The following SHROOM4 variants were observed in gnomAD, a reference collection of about 807,000 sequenced individuals.
The protein encoded by SHROOM4 is protein Shroom4.
A neutral mutation model predicts 80.3 loss-of-function variants in SHROOM4; 17 were observed. That is an observed-to-expected ratio of 0.21 (90% CI 0.14 to 0.32). The LOEUF is 0.32. Among genes scored for constraint, SHROOM4 ranks in the 10% least tolerant of loss-of-function variants. The pLI is 1.00. For synonymous variants in SHROOM4, 400 were observed against 437.5 expected, an observed-to-expected ratio of 0.91 and a Z score of 1.07; for missense variants, 993 against 1,140.3, an observed-to-expected ratio of 0.87 and a Z score of 1.86.
At chrX:50,778,845 T>C (rs1457422411) in intron 1 of SHROOM4, among the ~76,000 whole-genome samples, 1 of 111,636 alleles carries the variant, frequency 9.0e-6, no homozygotes, top group African/African-American at 3.3e-5. Context: ...AGATCAAGAA[T>C]CACTTTCCGA....
Position 50,608,003 on chromosome X carries a change from C to T in SHROOM4, c.3139G>A (p.Ala1047Thr). Reference protein sequence around the residue: ...TSVYEEGSSLASMPHPLRSRA... With the variant: ...TSVYEEGSSLTSMPHPLRSRA... ...CTGCGCAGTGGGTGGGGCATGGAGG[C>T]AAGGGAGCTCCCCTCCTCATAAACT... is the stretch of plus-strand genomic sequence containing the variant. The change falls in exon 6 of 9, where the codon GCC becomes ACC. Residue 1047 changes from alanine to threonine, a missense_variant. Physicochemically the swap from Ala to Thr is moderately conservative, Grantham distance 58. Coordinates refer to ENST00000376020, the MANE Select transcript of SHROOM4 (RefSeq NM_020717.5). The T allele has an allele frequency of 8.3e-7, 1 of 1,211,862 alleles. No individual in the cohort carries two copies. The highest frequency in any genetic ancestry group is 1.1e-6 in the Non-Finnish European group (1 of 895,527).
At chrX:50,667,427 T>C (rs1466888254) in intron 2 of SHROOM4, among the ~76,000 whole-genome samples, 2 of 111,329 alleles carry the variant, frequency 1.8e-5, no homozygotes, top group Non-Finnish European at 3.8e-5. Flanking sequence ...GTAATACTTA[T>C]AAATCTTAGG....
At chrX:50,641,871 C>T (rs1931615171) in intron 2 of SHROOM4, among the ~76,000 whole-genome samples, 1 of 112,592 alleles carries the variant, frequency 8.9e-6, no homozygotes, top group African/African-American at 3.2e-5. Flanking sequence ...TTCGGCCTCC[C>T]AAAGTGCTGG....
chrX:50,641,529 C>T (rs2147316033), intron 2 of SHROOM4, among the ~76,000 whole-genome samples: 1 of 111,711 alleles, frequency 9.0e-6, no homozygotes, highest in East Asian at 2.8e-4. Flanking sequence ...AGAGTACCCA[C>T]ACCTAGGGTA....
intron 1 of SHROOM4, among the ~76,000 whole-genome samples, chrX:50,770,990 C>A (rs1935383653): frequency 9.0e-6 from 1 of 111,722 alleles, no homozygotes; most frequent in African/African-American, 3.3e-5. Flanking sequence ...GCTCAAGAGG[C>A]ACTCTGGCTG....
chrX:50,740,689 C>T (rs987341298), intron 1 of SHROOM4, among the ~76,000 whole-genome samples: 1 of 111,336 alleles, frequency 9.0e-6, no homozygotes, highest in East Asian at 2.8e-4. Flanking sequence ...TAAGATAGGC[C>T]ATATGTTAGG....
At chrX:50,795,064 T>TATATATATATGATATATATATATG (rs1935943908) in intron 1 of SHROOM4, among the ~76,000 whole-genome samples, 1 of 62,823 alleles carries the variant, frequency 1.6e-5, no homozygotes, top group Non-Finnish European at 2.7e-5. Flanking sequence ...ATATATATGA[T>TATATATATATGATATATATATATG]ATATATATAT....
At chrX:50,717,370 A>G (rs1557264981) in intron 1 of SHROOM4, among the ~76,000 whole-genome samples, 1 of 111,638 alleles carries the variant, frequency 9.0e-6, no homozygotes. Context: ...GGCGACCGCC[A>G]CCACACCCAG....
intron 1 of SHROOM4, among the ~76,000 whole-genome samples, chrX:50,706,054 T>A (rs1372700228): frequency 2.8e-5 from 3 of 108,307 alleles, no homozygotes; most frequent in Non-Finnish European, 3.8e-5. Context: ...CCAAACTTTC[T>A]GTTCTTCAGA....
At chrX:50,786,376 A>C (rs1446783628) in intron 1 of SHROOM4, among the ~76,000 whole-genome samples, 1 of 112,100 alleles carries the variant, frequency 8.9e-6, no homozygotes, top group African/African-American at 3.2e-5. Flanking sequence ...CAGAGCCAGC[A>C]GATGAAAATC....
chrX:50,615,073 G>T (rs1557250549), intron 5 of SHROOM4, among the ~76,000 whole-genome samples: 1 of 104,580 alleles, frequency 9.6e-6, no homozygotes, highest in African/African-American at 3.5e-5. Context: ...GAGTTGTACT[G>T]ATGGTTTGGG....
intron 6 of SHROOM4, 93 bp downstream of exon 6, chrX:50,607,288 C>G (rs373296133): frequency 3.9e-5 from 40 of 1,022,987 alleles, no homozygotes; most frequent in Non-Finnish European, 5.3e-5. Flanking sequence ...AACTGGCCAG[C>G]CTGAGGTCAT....
chrX:50,667,437 G>C (rs1932725301), intron 2 of SHROOM4, among the ~76,000 whole-genome samples: 1 of 110,571 alleles, frequency 9.0e-6, no homozygotes, highest in African/African-American at 3.3e-5. Context: ...TAAATCTTAG[G>C]ATTGGGGGCA....
At position 50,692,187 on chromosome X, in the gene SHROOM4, C is replaced by T. The variant is rs1018164844; in HGVS notation, c.269+3599G>A. Reference sequence around the variant, plus strand: ...GAGATGAGTGGGTGAAACACCTGAACACTCTCATTCTTGTGACTGGCTCAG... The same window carrying T: ...GAGATGAGTGGGTGAAACACCTGAATACTCTCATTCTTGTGACTGGCTCAG... On this transcript the variant is annotated intron_variant, in intron 2 of 8. Coordinates refer to ENST00000376020, the MANE Select transcript of SHROOM4 (RefSeq NM_020717.5). Among the ~76,000 whole-genome samples the T allele has an allele frequency of 2.7e-5, 3 of 112,046 alleles. No homozygotes were observed. In the Admixed American group the frequency reaches 2.8e-4, roughly 11 times the overall value.
rs1557244890 is a variant in SHROOM4 at position 50,586,874 on chromosome X, C to A, written c.*9821G>T. On this transcript the variant is annotated 3_prime_UTR_variant, in exon 9 of 9. Transcript: ENST00000376020. ...CATCCATTACATAGTGAAATGATTG[C>A]TACAGTCATGCAAATTAAATATGCA... is the stretch of plus-strand genomic sequence containing the variant. Among the ~76,000 whole-genome samples the A allele has an allele frequency of 9.0e-6, 1 of 111,025 alleles. No individual in the cohort carries two copies. Among genetic ancestry groups the A allele is most frequent in the African/African-American group, 3.3e-5 (1 of 29,955 alleles).
At chrX:50,724,750 G>C (rs1264827263) in intron 1 of SHROOM4, among the ~76,000 whole-genome samples, 2 of 112,429 alleles carry the variant, frequency 1.8e-5, no homozygotes, top group Non-Finnish European at 3.8e-5. Context: ...CAAAGGGCGG[G>C]GGTTACAGGC....
chrX:50,802,051 CAAG>C (rs1269041051), intron 1 of SHROOM4, among the ~76,000 whole-genome samples: 1 of 111,753 alleles, frequency 8.9e-6, no homozygotes, highest in Non-Finnish European at 1.9e-5. Context: ...AAAGGCATTC[CAAG>C]AAGTGATTCC....
intron 1 of SHROOM4, among the ~76,000 whole-genome samples, chrX:50,805,854 T>A (rs1936215766): frequency 9.0e-6 from 1 of 110,956 alleles, no homozygotes; most frequent in African/African-American, 3.3e-5. Flanking sequence ...GTGAGGAAAT[T>A]TCCCTCTGAT....
chrX:50,745,575 C>A (rs1159659432), intron 1 of SHROOM4, among the ~76,000 whole-genome samples: 3 of 111,743 alleles, frequency 2.7e-5, no homozygotes, highest in African/African-American at 9.8e-5. Flanking sequence ...GGGAACTGAG[C>A]ACGGAATGGG....
Sources: allele counts gnomAD v4.1 joint callset (sites outside exome capture counted in the v4.1 genomes callset), GRCh38; gene constraint gnomAD v4.1.1; transcripts MANE v1.5; gene names NCBI Gene and HGNC (gene_info 2026-07-23, HGNC 2026-07-21).